The following GRIN2D variants were observed in gnomAD, a reference collection of about 807,000 sequenced individuals.
GRIN2D encodes glutamate receptor ionotropic, NMDA 2D.
In GRIN2D, 37 loss-of-function variants were observed where a neutral mutation model predicts 103.2. The ratio of observed to expected loss-of-function variants is 0.36; its 90% CI spans 0.28 to 0.47. The LOEUF (loss-of-function observed/expected upper bound fraction) is 0.47, where lower values mean the gene tolerates loss of function less well. GRIN2D is among the 20% of genes least tolerant of loss of function. The pLI is 1.00. For synonymous variants in GRIN2D, 845 were observed against 885.6 expected (o/e 0.95, Z 0.81); for missense variants, 1,557 against 1,910.6 (o/e 0.81, Z 3.45).
rs1289608003 is a variant in GRIN2D, at chr19:48,414,253, T to G, written c.1201-120T>G. 1.1e-6 allele frequency: 1 copy of G among 948,818 alleles called. No individual in the cohort carries two copies. Among genetic ancestry groups the G allele is most frequent in the African/African-American group, 1.6e-5 (1 of 61,646 alleles). The allele number at this position is 948,818 out of a possible 1,614,324, so 58.8% of individuals were successfully genotyped here. On this transcript the variant is annotated intron_variant, in intron 5 of 13. Transcript: ENST00000263269. The surrounding 1 kb of genome is among the most constrained non-coding windows in gnomAD (Gnocchi z 4.6). ...CCTGGGATCTGAAGGTGGGAGGGGCTCCTGGGTCTTGGAAGAAGCTGCTGC... is the reference window on the plus strand; with the variant it reads ...CCTGGGATCTGAAGGTGGGAGGGGCGCCTGGGTCTTGGAAGAAGCTGCTGC...
intron 3 of GRIN2D, among the ~76,000 whole-genome samples, chr19:48,403,977 C>G (rs564368024): frequency 1.3e-5 from 2 of 152,290 alleles, no homozygotes; most frequent in South Asian, 4.1e-4. Context: ...CAGTGGCTCA[C>G]GCCTGTAATT....
At chr19:48,397,669 C>G (rs1171174993) in intron 2 of GRIN2D, among the ~76,000 whole-genome samples, 1 of 151,992 alleles carries the variant, frequency 6.6e-6, no homozygotes, top group Non-Finnish European at 1.5e-5. Context: ...GGGCCTCCCT[C>G]ATTCCTGTTT....
At position 48,396,178 on chromosome 19, in the gene GRIN2D, C is replaced by T. The variant is rs780295043; in HGVS notation, c.-27+1242C>T. Among the ~76,000 whole-genome samples, 14 of 145,954 alleles carry T rather than the reference C, an allele frequency of 9.6e-5. No individual in the cohort carries two copies. The South Asian group carries it at 1.3e-3, about 14-fold the overall frequency. ...GCTCATGAGGAGGTAGAGATGGAGGCGGGGGGAGCGGGGGGTTGTCCAGAG... is the reference window on the plus strand; with the variant it reads ...GCTCATGAGGAGGTAGAGATGGAGGTGGGGGGAGCGGGGGGTTGTCCAGAG... On this transcript the variant is annotated intron_variant, in intron 2 of 13. Transcript: ENST00000263269.
rs771977111 is a variant in GRIN2D at position 48,443,307 on chromosome 19, C to G, written c.3381C>G (p.Gly1127=). ...DSESLGGASL[G]GLEPWWFADF... is the part of the protein sequence containing the mutation. ...AGAGCCTGGGCGGCGCGTCGCTGGG[C>G]GGCCTGGAGCCCTGGTGGTTCGCCG... Residue 1127 remains glycine (G), a synonymous_variant, in exon 14 of 14, where the codon GGC becomes GGG. Transcript: ENST00000263269. The surrounding 1 kb of genome is among the most constrained non-coding windows in gnomAD (Gnocchi z 8.9). The G allele has an allele frequency of 2.2e-5, 33 of 1,527,688 alleles. 1 individual carries two copies. The South Asian group carries it at 3.7e-4, about 17-fold the overall frequency. The allele number at this position is 1,527,688 out of a possible 1,614,324, so 94.6% of individuals were successfully genotyped here.
At chr19:48,413,822 G>A (rs550962441) in intron 4 of GRIN2D, among the ~76,000 whole-genome samples, 169 bp from the exon 5 acceptor site, 4 of 152,130 alleles carry the variant, frequency 2.6e-5, no homozygotes, top group Admixed American at 2.0e-4. Context: ...CAAGGGGAGG[G>A]TGCTGAGCAG....
intron 11 of GRIN2D, among the ~76,000 whole-genome samples, chr19:48,438,376 G>A (rs997477618): frequency 3.0e-5 from 4 of 131,274 alleles, no homozygotes; most frequent in Non-Finnish European, 6.1e-5. Flanking sequence ...TCGGCTCACT[G>A]CAACCTCTGC....
At chr19:48,411,592 C>T (rs1219402848) in intron 4 of GRIN2D, among the ~76,000 whole-genome samples, 1 of 151,396 alleles carries the variant, frequency 6.6e-6, no homozygotes, top group African/African-American at 2.4e-5. Flanking sequence ...GAGGTTCCAG[C>T]GAGCTGAGAT....
intron 3 of GRIN2D, among the ~76,000 whole-genome samples, chr19:48,402,166 A>AAGAAAGAAAGAAAGAAAGAAAGAGAG (rs748167336): frequency 2.1e-4 from 17 of 80,082 alleles, no homozygotes; most frequent in African/African-American, 7.2e-4. Context: ...GAAAGAAAGA[A>AAGAAAGAAAGAAAGAAAGAAAGAGAG]AGAGAGAAAA....
Position 48,443,161 on chromosome 19 carries a change from G to GCGGGGGGCA in GRIN2D, c.3244_3252dup (p.Thr1082_Gly1084dup). On this transcript the variant is annotated inframe_insertion, in exon 14 of 14. Transcript: ENST00000263269. The surrounding 1 kb of genome is among the most constrained non-coding windows in gnomAD (Gnocchi z 8.9). ...CCTGCTGGGGCCAGGCGCGGGCGGC[G>GCGGGGGGCA]CGGGGGGCACGGGGGGCGCAGGCGG... 1.0e-6 allele frequency: 1 copy of GCGGGGGGCA among 1,001,868 alleles called. No homozygotes were observed. Among genetic ancestry groups the GCGGGGGGCA allele is most frequent in the Non-Finnish European group, 1.2e-6 (1 of 840,484 alleles). 62.1% of individuals were successfully genotyped at this position (1,001,868 alleles called of 1,614,324 possible).
Position 48,442,412 on chromosome 19 carries a change from G to A in GRIN2D, c.2673+30G>A, listed in dbSNP as rs565404231. ...GGGGCAGAGAGGGAGGCAGAGAGGG[G>A]GAGATGGCAGGGGCGGGGACAAAGG... On this transcript the variant is annotated intron_variant, in intron 13 of 13. Coordinates refer to ENST00000263269, the MANE Select transcript of GRIN2D (RefSeq NM_000836.4). The surrounding 1 kb of genome is among the most constrained non-coding windows in gnomAD (Gnocchi z 7.2). 2.5e-6 allele frequency: 4 copies of A among 1,584,634 alleles called. No homozygotes were observed. The highest frequency in any genetic ancestry group is 2.2e-5 in the South Asian group (2 of 90,660).
intron 11 of GRIN2D, among the ~76,000 whole-genome samples, chr19:48,434,549 T>A (rs1166568068): frequency 1.3e-5 from 2 of 152,012 alleles, no homozygotes; most frequent in Non-Finnish European, 1.5e-5. Flanking sequence ...TGAGCCACCA[T>A]GCCTGGCCCA....
chr19:48,406,684 G>A (rs1970795563), intron 4 of GRIN2D, among the ~76,000 whole-genome samples: 1 of 152,200 alleles, frequency 6.6e-6, no homozygotes, highest in Non-Finnish European at 1.5e-5. Context: ...AAAGAACGCA[G>A]GGTCCTGTAA....
intron 11 of GRIN2D, among the ~76,000 whole-genome samples, chr19:48,434,246 G>A (rs1032154190): frequency 8.6e-5 from 13 of 150,696 alleles, no homozygotes; most frequent in African/African-American, 2.9e-4. Flanking sequence ...CACCGCGCCT[G>A]GCGGCCGCTT....
intron 3 of GRIN2D, among the ~76,000 whole-genome samples, chr19:48,401,197 T>C (rs1970707077): frequency 6.6e-6 from 1 of 151,758 alleles, no homozygotes; most frequent in Non-Finnish European, 1.5e-5. Context: ...TACAGGAAGA[T>C]TTATTGAGAG....
Position 48,433,957 on chromosome 19 carries a change from T to C in GRIN2D, c.2253-7812T>C, listed in dbSNP as rs539350964. Reference sequence around the variant, plus strand: ...TCATTTGGCCGCTTCTTTTCTTTTTTTTTTTTTTTGAGATGGAGTCTCGCT... The same window carrying C: ...TCATTTGGCCGCTTCTTTTCTTTTTCTTTTTTTTTGAGATGGAGTCTCGCT... On this transcript the variant is annotated intron_variant, in intron 11 of 13. Coordinates refer to ENST00000263269, the MANE Select transcript of GRIN2D (RefSeq NM_000836.4). Among the ~76,000 whole-genome samples the C allele has an allele frequency of 1.9e-3, 294 of 151,782 alleles. 1 individual carries two copies. The highest frequency in any genetic ancestry group is 6.3e-3 in the African/African-American group (259 of 41,438).
chr19:48,422,724 T>C (rs1971039227), intron 11 of GRIN2D, among the ~76,000 whole-genome samples: 1 of 152,220 alleles, frequency 6.6e-6, no homozygotes, highest in South Asian at 2.1e-4. Flanking sequence ...TCATTAGACC[T>C]GAACTCACTG....
chr19:48,416,260 C>T, intron 8 of GRIN2D, 105 bp downstream of exon 8: 1 of 921,772 alleles, frequency 1.1e-6, no homozygotes, highest in South Asian at 1.6e-5. Context: ...ATCATCGGTA[C>T]TTGAACCCGC....
intron 4 of GRIN2D, among the ~76,000 whole-genome samples, chr19:48,408,542 G>C (rs1970818541): frequency 1.3e-5 from 2 of 151,998 alleles, no homozygotes; most frequent in Admixed American, 6.6e-5. Context: ...AGGTAGGCAA[G>C]GTGTGGTGGC....
chr19:48,422,880 T>C (rs917927190), intron 11 of GRIN2D, among the ~76,000 whole-genome samples: 4 of 151,988 alleles, frequency 2.6e-5, no homozygotes, highest in Non-Finnish European at 4.4e-5. Flanking sequence ...TCACTTCAGG[T>C]CAGGAGTTGG....
Sources: gnomAD v4.1 joint callset for allele counts (sites outside exome capture counted in the v4.1 genomes callset) on GRCh38, gnomAD v4.1.1 for gene constraint, Gnocchi (gnomAD v3.1) non-coding constraint, MANE v1.5 for transcripts, NCBI Gene and HGNC (gene_info 2026-07-23, HGNC 2026-07-21) for gene names.